Variants in DCPS observed in about 807,000 individuals in gnomAD.
DCPS encodes the protein decapping enzyme, scavenger.
DCPS carries 27 observed loss-of-function variants against 34.7 expected under a neutral mutation model. That is an observed-to-expected ratio of 0.78 (90% confidence interval 0.57 to 1.07). DCPS has a LOEUF of 1.07. Among genes scored for constraint, DCPS ranks in the 50% least tolerant of loss-of-function variants. The pLI, the probability that DCPS is intolerant of heterozygous loss-of-function variation, is 0.00. For synonymous variants in DCPS, 185 were observed against 185.7 expected, an observed-to-expected ratio of 1.00 and a Z score of 0.03; for missense variants, 464 against 436.9, an observed-to-expected ratio of 1.06 and a Z score of -0.55.
rs1951795543 is a variant in DCPS at position 126,331,747 on chromosome 11, T to C, written c.522+197T>C. On this transcript the variant is annotated intron_variant, in intron 3 of 5. Coordinates refer to ENST00000263579, the MANE Select transcript of DCPS (RefSeq NM_014026.6). The surrounding 1 kb of genome is among the most constrained non-coding windows in gnomAD (Gnocchi z 7.2). ...TGCACAGTCACACGGTGTGTGACCATACACAGATATCTCAGGATCTATGTG... is the reference window on the plus strand; with the variant it reads ...TGCACAGTCACACGGTGTGTGACCACACACAGATATCTCAGGATCTATGTG... Among the ~76,000 whole-genome samples the C allele has an allele frequency of 6.6e-6, 1 of 152,292 alleles. No homozygotes were observed. The highest frequency in any genetic ancestry group is 2.4e-5 in the African/African-American group (1 of 41,558).
In DCPS at chr11:126,322,522, C is replaced by T. The variant is rs1422222708; in HGVS notation, c.377-8883C>T. On this transcript the variant is annotated intron_variant, in intron 2 of 5. Coordinates refer to ENST00000263579, the MANE Select transcript of DCPS (RefSeq NM_014026.6). This position sits in a 1 kb window ranked among gnomAD's most constrained non-coding sequence, Gnocchi z 4.2. ...CAGGTGATCTGCCTGCCTGAACCTC[C>T]GAAAGGGCTGGGATTACAGGTGTTA... Among the ~76,000 whole-genome samples, 3 of 151,924 alleles carry T rather than the reference C, an allele frequency of 2.0e-5. No individual in the cohort carries two copies. Among genetic ancestry groups the T allele is most frequent in the East Asian group, 1.9e-4 (1 of 5,170 alleles).
intron 2 of DCPS, among the ~76,000 whole-genome samples, chr11:126,321,036 C>T (rs892548879): frequency 2.0e-5 from 3 of 151,824 alleles, no homozygotes; most frequent in Non-Finnish European, 4.4e-5. Flanking sequence ...TGGGCAGATC[C>T]CTTGAGTCAA....
Position 126,338,354 on chromosome 11 carries a change from T to G in DCPS, c.591T>G (p.Ser197=). 6.2e-7 allele frequency: 1 copy of G among 1,614,208 alleles called. No individual in the cohort carries two copies. The highest frequency in any genetic ancestry group is 8.5e-7 in the Non-Finnish European group (1 of 1,180,032). ...DRIVFENPDP[S]DGFVLIPDLK... ...TTGTTTTCGAGAACCCAGATCCCTCTGATGGTTTTGTCCTCATCCCTGACC... is the reference window on the plus strand; with the variant it reads ...TTGTTTTCGAGAACCCAGATCCCTCGGATGGTTTTGTCCTCATCCCTGACC... The change falls in exon 4 of 6, where the codon TCT becomes TCG. Residue 197 remains serine (S), a synonymous_variant. Transcript: ENST00000263579. This position sits in a 1 kb window ranked among gnomAD's most constrained non-coding sequence, Gnocchi z 5.4.
At chr11:126,309,301 C>T (rs1262993800) in intron 2 of DCPS, among the ~76,000 whole-genome samples, 2 of 152,130 alleles carry the variant, frequency 1.3e-5, no homozygotes, top group East Asian at 1.9e-4. Context: ...AGGCATGAGC[C>T]GCTGCCCCTG....
rs570919824 is a variant in DCPS, at chr11:126,312,245, A to G, written c.376+5501A>G. The stretch of plus-strand genomic sequence containing the variant: ...CGCATCTGGCCAGAAGTGAAACTTT[A>G]AACAATGCTTACCCATCCGCTATGG... On this transcript the variant is annotated intron_variant, in intron 2 of 5. Transcript: ENST00000263579. The surrounding 1 kb of genome is among the most constrained non-coding windows in gnomAD (Gnocchi z 5.1). Among the ~76,000 whole-genome samples, 8 of 152,222 alleles carry G rather than the reference A, an allele frequency of 5.3e-5. No homozygotes were observed. In the East Asian group the frequency reaches 1.4e-3, roughly 26 times the overall value.
rs1951769117 is a variant in DCPS, at chr11:126,329,866, G to A, written c.377-1539G>A. On this transcript the variant is annotated intron_variant, in intron 2 of 5. Coordinates refer to ENST00000263579, the MANE Select transcript of DCPS (RefSeq NM_014026.6). This position sits in a 1 kb window ranked among gnomAD's most constrained non-coding sequence, Gnocchi z 5.0. ...TATGAGGACTTCGTGGTGGTGAAAT[G>A]TGCCCGCTGGGTTTTCAGCTCTCTC... Among the ~76,000 whole-genome samples, 1 of 152,162 alleles carries A rather than the reference G, an allele frequency of 6.6e-6. No homozygotes were observed. Among genetic ancestry groups the A allele is most frequent in the Non-Finnish European group, 1.5e-5 (1 of 68,032 alleles).
chr11:126,309,360 G>A (rs1951601987), intron 2 of DCPS, among the ~76,000 whole-genome samples: 1 of 152,124 alleles, frequency 6.6e-6, no homozygotes, highest in African/African-American at 2.4e-5. Flanking sequence ...ATCCACTGGG[G>A]ATTGGTTCCA....
rs940967090 is a variant in DCPS, at chr11:126,338,962, G to C, written c.636+563G>C. ...TTCCTAAGGAGCAGGTTTGGGAGGAGCCGTCCTCCCTCACAGGTATCCCTT... is the reference window on the plus strand; with the variant it reads ...TTCCTAAGGAGCAGGTTTGGGAGGACCCGTCCTCCCTCACAGGTATCCCTT... On this transcript the variant is annotated intron_variant, in intron 4 of 5. Transcript: ENST00000263579. This position sits in a 1 kb window ranked among gnomAD's most constrained non-coding sequence, Gnocchi z 5.4. Among the ~76,000 whole-genome samples, 7 of 152,212 alleles carry C rather than the reference G, an allele frequency of 4.6e-5. No homozygotes were observed. The highest frequency in any genetic ancestry group is 3.3e-4 in the Admixed American group (5 of 15,282).
At position 126,325,300 on chromosome 11, in the gene DCPS, A is replaced by T. The variant is rs1445740966; in HGVS notation, c.377-6105A>T. ...AACTATGGCAGTGAACAGCATTTAC[A>T]TCATCATCATAGCATCAGTGTTGAA... On this transcript the variant is annotated intron_variant, in intron 2 of 5. Transcript: ENST00000263579. The surrounding 1 kb of genome is among the most constrained non-coding windows in gnomAD (Gnocchi z 4.3). Among the ~76,000 whole-genome samples, 1 of 152,240 alleles carries T rather than the reference A, an allele frequency of 6.6e-6. No homozygotes were observed. Among genetic ancestry groups the T allele is most frequent in the Non-Finnish European group, 1.5e-5 (1 of 68,044 alleles).
rs1186311047 is a variant in DCPS, at chr11:126,347,988, G to T, written c.*2375G>T. Among the ~76,000 whole-genome samples, 1 of 152,102 alleles carries T rather than the reference G, an allele frequency of 6.6e-6. No homozygotes were observed. The highest frequency in any genetic ancestry group is 1.5e-5 in the Non-Finnish European group (1 of 68,028). On this transcript the variant is annotated 3_prime_UTR_variant, in exon 6 of 6. Transcript: ENST00000263579. The surrounding 1 kb of genome is among the most constrained non-coding windows in gnomAD (Gnocchi z 4.2). ...CCCAGCCCCCAGTGGTGCTGCTGGA[G>T]GGTCTGACTCCACGGGCTCCCGCTG... is the stretch of plus-strand genomic sequence containing the variant.
Position 126,349,093 on chromosome 11 carries a change from A to C in DCPS, c.*3480A>C, listed in dbSNP as rs1177049177. On this transcript the variant is annotated 3_prime_UTR_variant, in exon 6 of 6. Coordinates refer to ENST00000263579, the MANE Select transcript of DCPS (RefSeq NM_014026.6). This position sits in a 1 kb window ranked among gnomAD's most constrained non-coding sequence, Gnocchi z 5.4. ...CCTGGATCTCACGCAGGGGATGGAG[A>C]GTAAGGACCAGCCCCTCTACCTCAT... 6.6e-6 allele frequency among the ~76,000 whole-genome samples: 1 copy of C among 152,154 alleles called. No homozygotes were observed. The highest frequency in any genetic ancestry group is 1.9e-4 in the East Asian group (1 of 5,194).
intron 4 of DCPS, 66 bp from the exon 5 acceptor site, chr11:126,343,241 C>T (rs1239249586): frequency 7.1e-7 from 1 of 1,399,948 alleles, no homozygotes; most frequent in Non-Finnish European, 9.9e-7. Flanking sequence ...CGTGAGAACT[C>T]CAGGGTTGGC....
intron 2 of DCPS, among the ~76,000 whole-genome samples, chr11:126,311,213 T>C (rs1169314981): frequency 6.6e-6 from 1 of 152,260 alleles, no homozygotes; most frequent in Non-Finnish European, 1.5e-5. Flanking sequence ...TCTCATGGCA[T>C]GCACTGGGGC....
rs1205904158 is a variant in DCPS at position 126,331,587 on chromosome 11, C to T, written c.522+37C>T. ...CATGTCTCAGACGCAGAGCACTGCT[C>T]CCGTGGCTGGTGCCTCCTCTTACGA... On this transcript the variant is annotated intron_variant, in intron 3 of 5. Coordinates refer to ENST00000263579, the MANE Select transcript of DCPS (RefSeq NM_014026.6). The surrounding 1 kb of genome is among the most constrained non-coding windows in gnomAD (Gnocchi z 7.2). The T allele has an allele frequency of 3.7e-6, 6 of 1,607,656 alleles. No homozygotes were observed. Among genetic ancestry groups the T allele is most frequent in the South Asian group, 3.3e-5 (3 of 90,560 alleles).
chr11:126,341,321 C>T (rs1336743493), intron 4 of DCPS: 1 of 152,260 alleles, frequency 6.6e-6, no homozygotes, highest in Non-Finnish European at 1.5e-5. Context: ...GATGGGCCAC[C>T]TTCTGGGGCG....
At chr11:126,324,478 A>G (rs889044564) in intron 2 of DCPS, among the ~76,000 whole-genome samples, 1 of 151,532 alleles carries the variant, frequency 6.6e-6, no homozygotes, top group Admixed American at 6.6e-5. Flanking sequence ...TTTTTTAGAC[A>G]GGGTCTCACT....
At chr11:126,318,532 A>G (rs1951680027) in intron 2 of DCPS, among the ~76,000 whole-genome samples, 1 of 152,184 alleles carries the variant, frequency 6.6e-6, no homozygotes, top group African/African-American at 2.4e-5. Context: ...AGAGCCTCCC[A>G]CCAACCTCTC....
Position 126,345,411 on chromosome 11 carries a change from C to T in DCPS, c.812C>T (p.Pro271Leu). 6.2e-7 allele frequency: 1 copy of T among 1,614,200 alleles called. No homozygotes were observed. The highest frequency in any genetic ancestry group is 8.5e-7 in the Non-Finnish European group (1 of 1,180,032). Reference sequence around the variant, plus strand: ...CTGCGAGTATACCTGCACTACCTGCCCTCCTACTACCACCTGCATGTGCAC... The same window carrying T: ...CTGCGAGTATACCTGCACTACCTGCTCTCCTACTACCACCTGCATGTGCAC... ...DHLRVYLHYL[P>L]SYYHLHVHFT... is the part of the protein sequence containing the mutation. Residue 271 changes from proline to leucine, a missense_variant, in exon 6 of 6, where the codon CCC becomes CTC. Pro to Leu is a moderately conservative substitution (Grantham distance 98, BLOSUM62 -3). Coordinates refer to ENST00000263579, the MANE Select transcript of DCPS (RefSeq NM_014026.6). This position sits in a 1 kb window ranked among gnomAD's most constrained non-coding sequence, Gnocchi z 7.4.
At chr11:126,304,312 G>T in intron 1 of DCPS, 31 bp downstream of exon 1, 2 of 1,612,124 alleles carry the variant, frequency 1.2e-6, no homozygotes, top group Middle Eastern at 3.3e-4. Context: ...GGTGGGATGC[G>T]GGAAGCAGTG....
Sources: gnomAD v4.1 joint callset for allele counts (sites outside exome capture counted in the v4.1 genomes callset) on GRCh38, gnomAD v4.1.1 for gene constraint, Gnocchi (gnomAD v3.1) non-coding constraint, MANE v1.5 for transcripts, NCBI Gene and HGNC (gene_info 2026-07-23, HGNC 2026-07-21) for gene names.